Variants in TMIGD3 observed in about 807,000 individuals in gnomAD.
TMIGD3 encodes AD026 protein (AD026).
A neutral mutation model predicts 28.1 loss-of-function variants in TMIGD3; 21 were observed. That is an observed-to-expected ratio of 0.75 (90% CI 0.53 to 1.08). The LOEUF is 1.08. Among genes scored for constraint, TMIGD3 ranks in the 50% least tolerant of loss-of-function variants. The pLI is 0.00. For missense variants in TMIGD3, 416 were observed against 435.6 expected (o/e 0.96, Z 0.40); for synonymous variants, 151 against 162.1 (o/e 0.93, Z 0.52).
intron 1 of TMIGD3, among the ~76,000 whole-genome samples, chr1:111,560,960 A>C (rs914117771): frequency 6.6e-6 from 1 of 152,236 alleles, no homozygotes; most frequent in African/African-American, 2.4e-5. Flanking sequence ...TCCAGAAGTC[A>C]GGTGAAAGAG....
intron 1 of TMIGD3, among the ~76,000 whole-genome samples, chr1:111,516,344 T>C (rs1655867281): frequency 6.6e-6 from 1 of 152,176 alleles, no homozygotes; most frequent in South Asian, 2.1e-4. Flanking sequence ...TGGTGATGGC[T>C]CAGGGCGACG....
intron 1 of TMIGD3, among the ~76,000 whole-genome samples, chr1:111,529,996 GC>G (rs1235108093): frequency 4.8e-5 from 5 of 103,446 alleles, no homozygotes; most frequent in South Asian, 3.1e-4. Flanking sequence ...GCCGGGCGGG[GC>G]GCTGACCCCC....
intron 1 of TMIGD3, among the ~76,000 whole-genome samples, chr1:111,523,244 G>A (rs143460140): frequency 1.3e-5 from 2 of 152,208 alleles, no homozygotes; most frequent in Admixed American, 1.3e-4. Context: ...CAATGATATG[G>A]TTTTTATTAT....
chr1:111,531,335 T>C (rs548535792), intron 1 of TMIGD3, among the ~76,000 whole-genome samples: 102 of 152,120 alleles, frequency 6.7e-4, no homozygotes, highest in Non-Finnish European at 1.3e-3. Flanking sequence ...TTTCATTTGG[T>C]ATCATTTGTA....
At chr1:111,523,474 A>G (rs947141230) in intron 1 of TMIGD3, among the ~76,000 whole-genome samples, 1 of 152,140 alleles carries the variant, frequency 6.6e-6, no homozygotes, top group Non-Finnish European at 1.5e-5. Context: ...GATTTCAATA[A>G]CAAAGCAATG....
chr1:111,553,397 C>G (rs889633356), intron 1 of TMIGD3, among the ~76,000 whole-genome samples: 3 of 152,200 alleles, frequency 2.0e-5, no homozygotes, highest in African/African-American at 7.2e-5. Context: ...GACATTCATG[C>G]TGCCACTATG....
intron 1 of TMIGD3, among the ~76,000 whole-genome samples, chr1:111,498,348 A>G (rs894901834): frequency 6.6e-6 from 1 of 152,194 alleles, no homozygotes; most frequent in Non-Finnish European, 1.5e-5. Flanking sequence ...ATCAAACCAG[A>G]GATGACACCT....
At chr1:111,495,937 A>G (rs900095012) in intron 1 of TMIGD3, among the ~76,000 whole-genome samples, 1 of 152,220 alleles carries the variant, frequency 6.6e-6, no homozygotes, top group African/African-American at 2.4e-5. Context: ...CCTCCCTTAT[A>G]AGTGAGAGCT....
intron 3 of TMIGD3, 106 bp downstream of exon 3, chr1:111,488,571 A>T: frequency 2.0e-6 from 2 of 1,005,750 alleles, no homozygotes; most frequent in Non-Finnish European, 1.5e-6. Flanking sequence ...CAAAGTACCC[A>T]GTGGGAGTCT....
At chr1:111,522,518 CTT>C (rs1375113931) in intron 1 of TMIGD3, among the ~76,000 whole-genome samples, 15 of 135,638 alleles carry the variant, frequency 1.1e-4, no homozygotes, top group Admixed American at 2.2e-4. Flanking sequence ...TTGTTTGTTG[CTT>C]TTTTTTTTTT....
At position 111,483,400 on chromosome 1, in the gene TMIGD3, C is replaced by T. The variant is rs928543360; in HGVS notation, c.*287G>A. The T allele has an allele frequency of 3.0e-5, 11 of 363,370 alleles. No individual in the cohort carries two copies. Among genetic ancestry groups the T allele is most frequent in the Non-Finnish European group, 4.6e-5 (9 of 197,460 alleles). The allele number at this position is 363,370 out of a possible 1,614,324, so 22.5% of individuals were successfully genotyped here. ...TGGCTAACAAAATACAAGTGATTTCCTGGTCCCCAATCCAGATTCTCCACC... is the reference window on the plus strand; with the variant it reads ...TGGCTAACAAAATACAAGTGATTTCTTGGTCCCCAATCCAGATTCTCCACC... On this transcript the variant is annotated 3_prime_UTR_variant, in exon 6 of 6. Coordinates refer to ENST00000369716, the MANE Select transcript of TMIGD3 (RefSeq NM_020683.7).
intron 3 of TMIGD3, among the ~76,000 whole-genome samples, chr1:111,487,405 A>G (rs1470968090): frequency 2.0e-5 from 3 of 152,324 alleles, no homozygotes; most frequent in Middle Eastern, 3.4e-3. Context: ...GGCACCCCTT[A>G]AGCCCTTCTG....
intron 1 of TMIGD3, among the ~76,000 whole-genome samples, chr1:111,528,934 T>G (rs1040612296): frequency 2.1e-4 from 32 of 152,174 alleles, no homozygotes; most frequent in African/African-American, 7.5e-4. Context: ...TTTGGAATTT[T>G]CTATAATCAT....
chr1:111,541,045 G>A (rs2101023723), intron 1 of TMIGD3, among the ~76,000 whole-genome samples: 1 of 152,252 alleles, frequency 6.6e-6, no homozygotes, highest in South Asian at 2.1e-4. Context: ...ACTCCACCTA[G>A]ACTCTGCATA....
intron 1 of TMIGD3, among the ~76,000 whole-genome samples, chr1:111,554,316 A>G (rs1350617576): frequency 6.6e-6 from 1 of 152,264 alleles, no homozygotes; most frequent in East Asian, 1.9e-4. Flanking sequence ...AACCTTTCTT[A>G]AAAACCTCTC....
intron 1 of TMIGD3, among the ~76,000 whole-genome samples, chr1:111,551,860 C>G (rs981330906): frequency 6.6e-6 from 1 of 151,914 alleles, no homozygotes; most frequent in African/African-American, 2.4e-5. Context: ...TCGGCCTTGG[C>G]CTTCACTTAC....
At chr1:111,546,180 A>G (rs899892337) in intron 1 of TMIGD3, among the ~76,000 whole-genome samples, 2 of 152,152 alleles carry the variant, frequency 1.3e-5, no homozygotes, top group African/African-American at 4.8e-5. Flanking sequence ...GAATTTTTAT[A>G]AGTTTTACAT....
At chr1:111,538,168 C>CA (rs1249243249) in intron 1 of TMIGD3, among the ~76,000 whole-genome samples, 1 of 151,976 alleles carries the variant, frequency 6.6e-6, no homozygotes, top group Non-Finnish European at 1.5e-5. Flanking sequence ...TCAGTTTCAC[C>CA]AAAAAAACAC....
At chr1:111,559,452 A>G (rs564268773) in intron 1 of TMIGD3, among the ~76,000 whole-genome samples, 4 of 152,310 alleles carry the variant, frequency 2.6e-5, no homozygotes, top group South Asian at 4.1e-4. Flanking sequence ...TCAGCATAAT[A>G]CTGGTCATCA....
Sources: allele counts gnomAD v4.1 joint callset (sites outside exome capture counted in the v4.1 genomes callset), GRCh38; gene constraint gnomAD v4.1.1; transcripts MANE v1.5; gene names NCBI Gene and HGNC (gene_info 2026-07-23, HGNC 2026-07-21).